Variants in NCALD observed in about 807,000 individuals in gnomAD.
NCALD encodes neurocalcin-delta.
NCALD carries 10 observed loss-of-function variants against 18.6 expected under a neutral mutation model. The observed-to-expected ratio is 0.54, with a 90% CI of 0.33 to 0.91. NCALD has a LOEUF of 0.91. Ranked by LOEUF, NCALD falls within the 40% of genes least tolerant of loss-of-function variation. The pLI, the probability that NCALD is intolerant of heterozygous loss-of-function variation, is 0.03. For synonymous variants in NCALD, 88 were observed against 87.4 expected (o/e 1.01, Z -0.04); for missense variants, 184 against 247.6 (o/e 0.74, Z 1.72).
At chr8:102,049,881 G>GAA (rs1823371645) in intron 1 of NCALD, among the ~76,000 whole-genome samples, 1 of 151,446 alleles carries the variant, frequency 6.6e-6, no homozygotes, top group African/African-American at 2.4e-5. Context: ...AGCTGTTTTC[G>GAA]GCCGGGCGCG....
chr8:101,722,736 A>G (rs564672810), intron 1 of NCALD, among the ~76,000 whole-genome samples: 2 of 152,244 alleles, frequency 1.3e-5, no homozygotes, highest in Non-Finnish European at 2.9e-5. Context: ...TAAGTCTCCC[A>G]CTGAGACTGA....
intron 2 of NCALD, among the ~76,000 whole-genome samples, chr8:101,965,043 G>A (rs949618160): frequency 6.6e-6 from 1 of 152,086 alleles, no homozygotes; most frequent in Non-Finnish European, 1.5e-5. Context: ...TTAGAGAAAT[G>A]CACATCAAAA....
chr8:101,940,128 T>C (rs543725917), intron 2 of NCALD, among the ~76,000 whole-genome samples: 6 of 152,356 alleles, frequency 3.9e-5, no homozygotes, highest in African/African-American at 1.2e-4. Flanking sequence ...GCATAGTGAA[T>C]TTTGTTCCAT....
intron 2 of NCALD, among the ~76,000 whole-genome samples, chr8:101,710,758 G>A (rs772890520): frequency 1.3e-5 from 2 of 152,248 alleles, no homozygotes; most frequent in African/African-American, 2.4e-5. Context: ...AAAGGCAGCA[G>A]CCCCATTCAG....
intron 3 of NCALD, among the ~76,000 whole-genome samples, chr8:101,894,331 C>A (rs1342945523): frequency 7.9e-6 from 1 of 126,488 alleles, no homozygotes. Context: ...AAAGACACAA[C>A]ATACCAGAAT....
At position 101,689,046 on chromosome 8, in the gene NCALD, AT is replaced by A. The variant is rs541337499; in HGVS notation, c.*262del. ...AACAGAGACATTAGAATAAAAAAAA[AT>A]AATAGTAACGATTAAAAATCATCAA... On this transcript the variant is annotated 3_prime_UTR_variant, in exon 4 of 4. Coordinates refer to ENST00000220931, the MANE Select transcript of NCALD (RefSeq NM_032041.3). The surrounding 1 kb of genome is among the most constrained non-coding windows in gnomAD (Gnocchi z 4.4). 3,400 of 700,132 alleles carry A rather than the reference AT, an allele frequency of 4.9e-3. 12 individuals carry two copies. The highest frequency in any genetic ancestry group is 5.7e-3 in the Non-Finnish European group (2,186 of 384,364). 43.4% of individuals were successfully genotyped at this position (700,132 alleles called of 1,614,324 possible).
At chr8:101,968,706 C>G (rs1279516413) in intron 2 of NCALD, among the ~76,000 whole-genome samples, 1 of 152,078 alleles carries the variant, frequency 6.6e-6, no homozygotes, top group African/African-American at 2.4e-5. Context: ...CCACCCTCTT[C>G]CCAAAACCCT....
chr8:102,119,302 A>G (rs1025300022), intron 1 of NCALD, among the ~76,000 whole-genome samples: 2 of 152,224 alleles, frequency 1.3e-5, no homozygotes, highest in African/African-American at 4.8e-5. Flanking sequence ...CATTATTATA[A>G]GTGAAATAGG....
chr8:101,999,703 T>TA (rs1047504535), intron 2 of NCALD, among the ~76,000 whole-genome samples: 8 of 151,106 alleles, frequency 5.3e-5, no homozygotes, highest in South Asian at 2.1e-4. Context: ...GTATGGAAAA[T>TA]AAAAAAATTA....
intron 4 of NCALD, among the ~76,000 whole-genome samples, chr8:101,807,965 G>A (rs1241809037): frequency 6.6e-6 from 1 of 151,806 alleles, no homozygotes; most frequent in Non-Finnish European, 1.5e-5. Flanking sequence ...TGGAAAACAA[G>A]GTATAATAGA....
At chr8:101,946,883 T>C (rs2119225) in intron 2 of NCALD, among the ~76,000 whole-genome samples, 78,343 of 146,314 alleles carry the variant, frequency 0.54, 20,604 homozygotes, top group South Asian at 0.62. Context: ...ATGACCCAAA[T>C]AATAGCCAAC....
intron 1 of NCALD, among the ~76,000 whole-genome samples, chr8:101,730,396 C>G (rs543632527): frequency 3.6e-5 from 5 of 139,286 alleles, no homozygotes; most frequent in Non-Finnish European, 7.5e-5. Flanking sequence ...AGGAGAATCA[C>G]TTGAATCTGG....
chr8:101,729,683 C>G (rs1475041620), intron 1 of NCALD, among the ~76,000 whole-genome samples: 2 of 152,168 alleles, frequency 1.3e-5, no homozygotes, highest in African/African-American at 4.8e-5. Context: ...CTTTTGCATT[C>G]CCTACAGCAT....
intron 4 of NCALD, among the ~76,000 whole-genome samples, chr8:101,811,071 G>T (rs1366669993): frequency 6.6e-6 from 1 of 152,100 alleles, no homozygotes; most frequent in African/African-American, 2.4e-5. Flanking sequence ...TTGTGTTTGG[G>T]CAATGTGATA....
intron 2 of NCALD, among the ~76,000 whole-genome samples, chr8:102,003,115 A>G (rs1161810842): frequency 1.3e-5 from 2 of 152,212 alleles, no homozygotes; most frequent in Non-Finnish European, 2.9e-5. Flanking sequence ...AAGATCAACA[A>G]AATTGATAGA....
intron 4 of NCALD, among the ~76,000 whole-genome samples, chr8:101,815,319 C>CA (rs1357477871): frequency 6.6e-6 from 1 of 152,026 alleles, no homozygotes; most frequent in Non-Finnish European, 1.5e-5. Context: ...CACATAAATA[C>CA]AGTCATCTGA....
At chr8:101,877,911 G>T (rs1816296474) in intron 4 of NCALD, among the ~76,000 whole-genome samples, 2 of 152,256 alleles carry the variant, frequency 1.3e-5, no homozygotes, top group Middle Eastern at 3.4e-3. Context: ...TGTACCCTTA[G>T]GATCTGTATT....
chr8:101,952,495 C>G (rs1196812453), intron 2 of NCALD, among the ~76,000 whole-genome samples: 1 of 152,204 alleles, frequency 6.6e-6, no homozygotes, highest in African/African-American at 2.4e-5. Flanking sequence ...GCAATACCCA[C>G]CAGACACATC....
chr8:101,711,142 C>G (rs114673939), intron 2 of NCALD, among the ~76,000 whole-genome samples: 2 of 152,090 alleles, frequency 1.3e-5, no homozygotes, highest in Non-Finnish European at 2.9e-5. Flanking sequence ...GAGAGAACCC[C>G]CAGCAAACTC....
Sources: allele counts gnomAD v4.1 joint callset (sites outside exome capture counted in the v4.1 genomes callset), GRCh38; gene constraint gnomAD v4.1.1; non-coding constraint Gnocchi (gnomAD v3.1); transcripts MANE v1.5; gene names NCBI Gene and HGNC (gene_info 2026-07-23, HGNC 2026-07-21).